HIP1: variants seen among roughly 807,000 people sequenced by gnomAD.
HIP1 encodes the protein huntingtin-interacting protein 1.
A neutral mutation model predicts 147.6 loss-of-function variants in HIP1; 65 were observed. That is an observed-to-expected ratio of 0.44 (90% CI 0.36 to 0.54). The LOEUF is 0.54. Among genes scored for constraint, HIP1 ranks in the 20% least tolerant of loss-of-function variants. The pLI, the probability that HIP1 is intolerant of heterozygous loss-of-function variation, is 0.00. For missense variants in HIP1, 1,061 were observed against 1,299.6 expected (o/e 0.82, Z 2.82); for synonymous variants, 479 against 504.0 (o/e 0.95, Z 0.67).
chr7:75,619,813 A>G (rs1200190642), intron 1 of HIP1, among the ~76,000 whole-genome samples: 1 of 152,210 alleles, frequency 6.6e-6, no homozygotes, highest in African/African-American at 2.4e-5. Flanking sequence ...CATCTGTTAC[A>G]TAAAGCTCAG....
chr7:75,714,102 C>G (rs1490645938), intron 1 of HIP1, among the ~76,000 whole-genome samples: 1 of 150,982 alleles, frequency 6.6e-6, no homozygotes, highest in African/African-American at 2.4e-5. Context: ...TGCAGTGGCG[C>G]CATCTTGGCT....
In HIP1 at chr7:75,536,716, A is replaced by G. The variant is rs781807925; in HGVS notation, c.*1456T>C. ...CATTTTCTCTGACCCAAGAGCTCCA[A>G]ATGATCTCCTTGCTTTGGGATCCAA... On this transcript the variant is annotated 3_prime_UTR_variant, in exon 31 of 31. Transcript: ENST00000336926. 3 of 228,334 alleles carry G rather than the reference A, an allele frequency of 1.3e-5. No individual in the cohort carries two copies. Among genetic ancestry groups the G allele is most frequent in the Non-Finnish European group, 2.6e-5 (3 of 115,182 alleles). 14.1% of individuals were successfully genotyped at this position (228,334 alleles called of 1,614,324 possible).
intron 2 of HIP1, among the ~76,000 whole-genome samples, chr7:75,598,359 T>C (rs868912193): frequency 1.1e-4 from 16 of 148,628 alleles, no homozygotes; most frequent in African/African-American, 3.7e-4. Flanking sequence ...AACATGCCAC[T>C]GCCCTCCAGC....
Position 75,586,796 on chromosome 7 carries a change from A to G in HIP1, c.422T>C (p.Ile141Thr). The change falls in exon 5 of 31, where the codon ATC (isoleucine) becomes ACC (threonine). Residue 141 changes from isoleucine (I) to threonine (T), a missense_variant. By Grantham distance (89) the Ile-to-Thr change is moderately conservative. Coordinates refer to ENST00000336926, the MANE Select transcript of HIP1 (RefSeq NM_005338.7). ...CTTGGTTCTTAGCAGTTTCAGGTAG[A>G]TGCTGCACAGCTGGCCATACCCCTC... The part of the protein sequence containing the change: ...LSEGYGQLCS[I>T]YLKLLRTKME... 4.3e-6 allele frequency: 7 copies of G among 1,613,784 alleles called. No individual in the cohort carries two copies. The highest frequency in any genetic ancestry group is 5.9e-6 in the Non-Finnish European group (7 of 1,179,740).
At chr7:75,720,477 A>G (rs1554521165) in intron 1 of HIP1, among the ~76,000 whole-genome samples, 1 of 152,016 alleles carries the variant, frequency 6.6e-6, no homozygotes, top group African/African-American at 2.4e-5. Context: ...TTCTTCTTAA[A>G]AGTTAAAGGG....
chr7:75,656,269 T>C (rs1163696136), intron 1 of HIP1, among the ~76,000 whole-genome samples: 1 of 151,974 alleles, frequency 6.6e-6, no homozygotes, highest in Non-Finnish European at 1.5e-5. Flanking sequence ...CAAATCTATA[T>C]ATTTATCAGA....
chr7:75,663,078 G>T (rs1247448515), intron 1 of HIP1, among the ~76,000 whole-genome samples: 1 of 152,144 alleles, frequency 6.6e-6, no homozygotes, highest in Non-Finnish European at 1.5e-5. Flanking sequence ...GTAACTACAA[G>T]AATTTACACT....
At chr7:75,620,595 A>G (rs1422479247) in intron 1 of HIP1, among the ~76,000 whole-genome samples, 3 of 152,154 alleles carry the variant, frequency 2.0e-5, no homozygotes, top group African/African-American at 7.2e-5. Context: ...CTGAGGAACA[A>G]GAATTGCTTG....
At position 75,536,940 on chromosome 7, in the gene HIP1, G is replaced by A. The variant is rs951846744; in HGVS notation, c.*1232C>T. On this transcript the variant is annotated 3_prime_UTR_variant, in exon 31 of 31. Coordinates refer to ENST00000336926, the MANE Select transcript of HIP1 (RefSeq NM_005338.7). The stretch of plus-strand genomic sequence containing the variant: ...CAAGTATAGGGTTCTTCCCTGATGG[G>A]AGCAATTGCATCTGATCTTCCGGGT... 1.7e-5 allele frequency: 4 copies of A among 231,352 alleles called. No individual in the cohort carries two copies. The highest frequency in any genetic ancestry group is 6.6e-5 in the African/African-American group (3 of 45,192). The allele number at this position is 231,352 out of a possible 1,614,324, so 14.3% of individuals were successfully genotyped here.
chr7:75,645,146 C>G (rs782694482), intron 1 of HIP1, among the ~76,000 whole-genome samples: 3 of 152,102 alleles, frequency 2.0e-5, no homozygotes, highest in Admixed American at 6.6e-5. Flanking sequence ...ACATTGATCA[C>G]GTTCTTAGCA....
Position 75,602,103 on chromosome 7 carries a change from C to T in HIP1, c.121-2856G>A, listed in dbSNP as rs187054453. Among the ~76,000 whole-genome samples, 630 of 151,356 alleles carry T rather than the reference C, an allele frequency of 4.2e-3. 7 individuals are homozygous for T. The highest frequency in any genetic ancestry group is 0.014 in the African/African-American group (597 of 41,196). ...GCAAACTCCGCCTCCTGGGTTCAAG[C>T]GATTCTCCTGCCTCAGCCTCCCAAG... On this transcript the variant is annotated intron_variant, in intron 1 of 30. Coordinates refer to ENST00000336926, the MANE Select transcript of HIP1 (RefSeq NM_005338.7).
intron 7 of HIP1, 90 bp downstream of exon 7, chr7:75,581,147 C>T (rs587671025): frequency 1.8e-4 from 177 of 979,536 alleles, no homozygotes; most frequent in South Asian, 1.1e-3. Flanking sequence ...TTTTCCTACC[C>T]CTTGTGCTGC....
chr7:75,714,201 G>A (rs557404092), intron 1 of HIP1, among the ~76,000 whole-genome samples: 2 of 150,880 alleles, frequency 1.3e-5, no homozygotes, highest in Non-Finnish European at 3.0e-5. Flanking sequence ...CATCATGCCC[G>A]GCTAATTTTT....
intron 1 of HIP1, among the ~76,000 whole-genome samples, chr7:75,732,450 C>T (rs1229205287): frequency 6.6e-6 from 1 of 152,056 alleles, no homozygotes; most frequent in Non-Finnish European, 1.5e-5. Context: ...GGCTCACTGC[C>T]GCCTCAACTT....
intron 1 of HIP1, among the ~76,000 whole-genome samples, chr7:75,681,395 A>G (rs1054585217): frequency 6.6e-6 from 1 of 150,820 alleles, no homozygotes; most frequent in African/African-American, 2.4e-5. Context: ...TCTACCAGCT[A>G]ATTCCCACTC....
In HIP1 at chr7:75,536,152, A is replaced by G. The variant is rs1794078342; in HGVS notation, c.*2020T>C. The stretch of plus-strand genomic sequence containing the variant: ...CACAACTGGGACAGGGAAGCCACGC[A>G]CCATTCCTTCTGAGCCTTGAATCAA... On this transcript the variant is annotated 3_prime_UTR_variant, in exon 31 of 31. Coordinates refer to ENST00000336926, the MANE Select transcript of HIP1 (RefSeq NM_005338.7). The G allele has an allele frequency of 5.0e-6, 1 of 199,584 alleles. No homozygotes were observed. The highest frequency in any genetic ancestry group is 2.3e-5 in the African/African-American group (1 of 43,354). The allele number at this position is 199,584 out of a possible 1,614,324, so 12.4% of individuals were successfully genotyped here.
intron 1 of HIP1, among the ~76,000 whole-genome samples, chr7:75,612,862 G>A (rs1320535639): frequency 1.3e-5 from 2 of 152,054 alleles, no homozygotes; most frequent in East Asian, 3.9e-4. Context: ...CCAGTACTTT[G>A]AGAGGCCGAG....
At chr7:75,702,202 C>T (rs555701465) in intron 1 of HIP1, among the ~76,000 whole-genome samples, 17 of 152,042 alleles carry the variant, frequency 1.1e-4, no homozygotes, top group African/African-American at 2.9e-4. Flanking sequence ...CCTCTGCCTT[C>T]GGAGTTCAAG....
chr7:75,692,506 T>C (rs10226578), intron 1 of HIP1, among the ~76,000 whole-genome samples: 85,502 of 150,942 alleles, frequency 0.57, 25,396 homozygotes, highest in African/African-American at 0.74. Context: ...CTGCAGCCTC[T>C]GCCCCCCAGG....
Sources: gnomAD v4.1 joint callset for allele counts (sites outside exome capture counted in the v4.1 genomes callset) on GRCh38, gnomAD v4.1.1 for gene constraint, MANE v1.5 for transcripts, NCBI Gene and HGNC (gene_info 2026-07-23, HGNC 2026-07-21) for gene names.